The following CIT variants were observed in gnomAD, a reference collection of about 807,000 sequenced individuals.
CIT encodes the protein citron Rho-interacting kinase.
CIT carries 79 observed loss-of-function variants against 272.7 expected under a neutral mutation model. That is an observed-to-expected ratio of 0.29 (90% confidence interval 0.24 to 0.35). CIT has a LOEUF of 0.35. CIT is among the 10% of genes least tolerant of loss of function. The probability of loss-of-function intolerance (pLI) is 1.00; values close to 1 mark genes in which losing one functional copy is unlikely to be tolerated. For synonymous variants in CIT, 948 were observed against 995.6 expected, an observed-to-expected ratio of 0.95 and a Z score of 0.90; for missense variants, 1,909 against 2,618.3, an observed-to-expected ratio of 0.73 and a Z score of 5.91.
At chr12:119,727,096 T>C (rs1178166963) in intron 28 of CIT, among the ~76,000 whole-genome samples, 2 of 152,216 alleles carry the variant, frequency 1.3e-5, no homozygotes, top group Admixed American at 6.5e-5. Flanking sequence ...AAGAACAATT[T>C]AACTCAATAT....
Position 119,708,318 on chromosome 12 carries a change from C to T in CIT, c.5072G>A (p.Gly1691Glu). 1 of 1,581,078 alleles carries T rather than the reference C, an allele frequency of 6.3e-7. No homozygotes were observed. Among genetic ancestry groups the T allele is most frequent in the Non-Finnish European group, 8.6e-7 (1 of 1,163,158 alleles). ...CACAAGACACAGTGCCCGCTCTTCT[C>T]CTGAACAGGAAAAGGAACAACCTCT... is the stretch of plus-strand genomic sequence containing the variant. ...KDLEKLLMIAGEERALCLVDV... is the reference protein window; with the variant it reads ...KDLEKLLMIAEEERALCLVDV... The change falls in exon 40 of 48, where the codon GGA becomes GAA. Residue 1691 changes from glycine (G) to glutamate (E), a missense_variant and splice_region_variant. Physicochemically the swap from Gly to Glu is moderately conservative, Grantham distance 98. Transcript: ENST00000392521.
intron 32 of CIT, among the ~76,000 whole-genome samples, chr12:119,716,774 A>C (rs1238111085): frequency 6.6e-6 from 1 of 152,184 alleles, no homozygotes; most frequent in Non-Finnish European, 1.5e-5. Flanking sequence ...CAGGCACAAC[A>C]CCCACAGAGG....
In CIT at chr12:119,778,634, C is replaced by T. The variant is rs186795454; in HGVS notation, c.1666-1792G>A. Among the ~76,000 whole-genome samples, 47 of 151,982 alleles carry T rather than the reference C, an allele frequency of 3.1e-4. No homozygotes were observed. In the East Asian group the frequency reaches 7.5e-3, roughly 24 times the overall value. ...AAGGAAACCTTTTATCCCATTGTAG[C>T]AGGTGACGCCCCCCCCCCAGAGCAT... is the stretch of plus-strand genomic sequence containing the variant. On this transcript the variant is annotated intron_variant, in intron 13 of 47. Coordinates refer to ENST00000392521, the MANE Select transcript of CIT (RefSeq NM_001206999.2).
Position 119,775,858 on chromosome 12 carries a change from G to A in CIT, c.1888-19C>T, listed in dbSNP as rs553613682. The A allele has an allele frequency of 6.9e-6, 11 of 1,605,730 alleles. No individual in the cohort carries two copies. The highest frequency in any genetic ancestry group is 3.3e-5 in the South Asian group (3 of 90,250). ...CATTGATCTATAATTAAAATCCCAG[G>A]AAATAAAGCAAAAGGCAAATCAGCA... On this transcript the variant is annotated intron_variant, in intron 15 of 47. Transcript: ENST00000392521.
At chr12:119,789,159 G>A (rs1965079034) in intron 10 of CIT, among the ~76,000 whole-genome samples, 1 of 152,204 alleles carries the variant, frequency 6.6e-6, no homozygotes, top group Non-Finnish European at 1.5e-5. Flanking sequence ...GTGGAGTGTG[G>A]CCCCGGGAAG....
Position 119,713,789 on chromosome 12 carries a change from C to T in CIT, c.4307-141G>A. 1.2e-6 allele frequency: 1 copy of T among 846,280 alleles called. No individual in the cohort carries two copies. Among genetic ancestry groups the T allele is most frequent in the Non-Finnish European group, 1.9e-6 (1 of 529,090 alleles). 52.4% of individuals were successfully genotyped at this position (846,280 alleles called of 1,614,324 possible). A position where few individuals can be genotyped will look rare whatever the true frequency, so the allele number is the denominator to read the frequency against. On this transcript the variant is annotated intron_variant, in intron 33 of 47. Coordinates refer to ENST00000392521, the MANE Select transcript of CIT (RefSeq NM_001206999.2). The surrounding 1 kb of genome is among the most constrained non-coding windows in gnomAD (Gnocchi z 5.2). ...CCTGGCTTGCAGGTAGTCTCCTGAGCTTCCCCTGGTGCCAGGCCCCTGCAG... is the reference window on the plus strand; with the variant it reads ...CCTGGCTTGCAGGTAGTCTCCTGAGTTTCCCCTGGTGCCAGGCCCCTGCAG...
Position 119,713,959 on chromosome 12 carries a change from AG to A in CIT, c.4306+237del, listed in dbSNP as rs2137077514. 4.9e-6 allele frequency: 3 copies of A among 612,282 alleles called. No homozygotes were observed. The highest frequency in any genetic ancestry group is 8.6e-6 in the Non-Finnish European group (3 of 350,118). 37.9% of individuals were successfully genotyped at this position (612,282 alleles called of 1,614,324 possible). A position where few individuals can be genotyped will look rare whatever the true frequency, so the allele number is the denominator to read the frequency against. ...GTAGGGAGAGACCAGCCTGACAAAA[AG>A]GGGCTGGAAATTAGCAAAGCCTAAG... On this transcript the variant is annotated intron_variant, in intron 33 of 47. Coordinates refer to ENST00000392521, the MANE Select transcript of CIT (RefSeq NM_001206999.2). The surrounding 1 kb of genome is among the most constrained non-coding windows in gnomAD (Gnocchi z 5.2).
intron 32 of CIT, among the ~76,000 whole-genome samples, chr12:119,716,949 C>T (rs1005256438): frequency 2.0e-5 from 3 of 152,182 alleles, no homozygotes; most frequent in Admixed American, 2.0e-4. Flanking sequence ...TAATGTGAAA[C>T]CTCTAAGATA....
rs769187795 is a variant in CIT, at chr12:119,714,590, A to G, written c.4169-256T>C. The stretch of plus-strand genomic sequence containing the variant: ...ACGAGCAAATGAAAAGATGCTCAAC[A>G]TTATCAGTCGTTAGAGAGATGTGAA... On this transcript the variant is annotated intron_variant, in intron 32 of 47. Transcript: ENST00000392521. 1.5e-3 allele frequency among the ~76,000 whole-genome samples: 231 copies of G among 152,182 alleles called. 8 individuals are homozygous for G. The highest frequency in any genetic ancestry group is 4.7e-4 in the Non-Finnish European group (32 of 68,044).
At chr12:119,844,191 T>A (rs1969626302) in intron 5 of CIT, among the ~76,000 whole-genome samples, 1 of 151,984 alleles carries the variant, frequency 6.6e-6, no homozygotes, top group Non-Finnish European at 1.5e-5. Flanking sequence ...CTGGCTAATT[T>A]TTGTATTCTT....
At chr12:119,781,787 A>C (rs1022396118) in intron 13 of CIT, among the ~76,000 whole-genome samples, 1 of 152,262 alleles carries the variant, frequency 6.6e-6, no homozygotes, top group Non-Finnish European at 1.5e-5. Flanking sequence ...AGAATGGTTC[A>C]AATTTCTCTT....
At chr12:119,736,361 T>C (rs1323678646) in intron 24 of CIT, among the ~76,000 whole-genome samples, 2 of 149,618 alleles carry the variant, frequency 1.3e-5, no homozygotes, top group South Asian at 2.3e-4. Flanking sequence ...ACTAATTCCC[T>C]ATTTTAACCC....
chr12:119,850,368 C>A (rs1970125322), intron 4 of CIT, 93 bp from the exon 5 acceptor site: 92 of 317,718 alleles, frequency 2.9e-4, no homozygotes, highest in East Asian at 6.6e-4. Flanking sequence ...ACTGATGTTT[C>A]TAGCTTTAAA....
chr12:119,779,045 C>A (rs1224317238), intron 13 of CIT, among the ~76,000 whole-genome samples: 1 of 152,072 alleles, frequency 6.6e-6, no homozygotes, highest in East Asian at 1.9e-4. Flanking sequence ...CATAGTGAAA[C>A]CCCATCTCTA....
At position 119,803,276 on chromosome 12, in the gene CIT, A is replaced by C. The variant is rs763202888; in HGVS notation, c.1225T>G (p.Phe409Val). The change falls in exon 10 of 48, where the codon TTC (phenylalanine) becomes GTC (valine). Residue 409 changes from phenylalanine to valine, a missense_variant. Physicochemically the swap from Phe to Val is conservative, Grantham distance 50. This residue lies in a region of CIT where 529 missense variants were observed against 549.6 expected (regional missense o/e 0.96). Coordinates refer to ENST00000392521, the MANE Select transcript of CIT (RefSeq NM_001206999.2). ...SSPCQLSPSG[F>V]SGEELPFVGF... ...ACAAACGGCAGTTCTTCACCCGAGA[A>C]GCCTGAGGGGCTCAGCTGGCACGGA... is the stretch of plus-strand genomic sequence containing the variant. 3 of 1,610,092 alleles carry C rather than the reference A, an allele frequency of 1.9e-6. No individual in the cohort carries two copies. The highest frequency in any genetic ancestry group is 4.5e-5 in the East Asian group (2 of 44,334).
At chr12:119,813,047 C>A (rs1466352794) in intron 9 of CIT, among the ~76,000 whole-genome samples, 1 of 152,174 alleles carries the variant, frequency 6.6e-6, no homozygotes, top group East Asian at 1.9e-4. Flanking sequence ...GTGGCAAGGC[C>A]CCCCTCCGAC....
intron 5 of CIT, among the ~76,000 whole-genome samples, chr12:119,845,563 G>A (rs1050551615): frequency 4.7e-5 from 7 of 150,144 alleles, no homozygotes; most frequent in Admixed American, 1.3e-4. Context: ...TGAGGCAGAA[G>A]AATTGCTTGA....
chr12:119,862,268 T>A (rs1158080568), intron 3 of CIT, among the ~76,000 whole-genome samples: 1 of 152,162 alleles, frequency 6.6e-6, no homozygotes, highest in African/African-American at 2.4e-5. Context: ...GTGCCAGGAT[T>A]ACAGGCGTGA....
chr12:119,721,238 A>G (rs1009073438), intron 29 of CIT, 71 bp downstream of exon 29: 1 of 1,425,406 alleles, frequency 7.0e-7, no homozygotes, highest in African/African-American at 1.4e-5. Context: ...AAGTGCTGGG[A>G]TTACAGGCAT....
Sources: allele counts gnomAD v4.1 joint callset (sites outside exome capture counted in the v4.1 genomes callset), GRCh38; gene constraint gnomAD v4.1.1; regional missense constraint gnomAD v4.1.1; non-coding constraint Gnocchi (gnomAD v3.1); transcripts MANE v1.5; gene names NCBI Gene and HGNC (gene_info 2026-07-23, HGNC 2026-07-21).